The following NPHP4 variants were observed in gnomAD, a reference collection of about 807,000 sequenced individuals.
The protein encoded by NPHP4 is nephrocystin-4.
In NPHP4, 151 loss-of-function variants were observed where a neutral mutation model predicts 155.8. The observed-to-expected ratio is 0.97, with a 90% CI of 0.85 to 1.11. NPHP4 has a LOEUF of 1.11. Ranked by LOEUF, NPHP4 falls within the 50% of genes least tolerant of loss-of-function variation. NPHP4 has a pLI of 0.00. For missense variants in NPHP4, 1,956 were observed against 1,925.7 expected, an observed-to-expected ratio of 1.02 and a Z score of -0.29; for synonymous variants, 845 against 816.8, an observed-to-expected ratio of 1.03 and a Z score of -0.59.
chr1:5,975,355 C>T (rs750383014), intron 3 of NPHP4, among the ~76,000 whole-genome samples: 1 of 152,196 alleles, frequency 6.6e-6, no homozygotes, highest in Admixed American at 6.5e-5. Flanking sequence ...GCACCACTGG[C>T]CTCTGCTGCC....
intron 11 of NPHP4, among the ~76,000 whole-genome samples, chr1:5,909,739 G>A (rs763648256): frequency 2.0e-5 from 3 of 152,150 alleles, no homozygotes; most frequent in Non-Finnish European, 1.5e-5. Flanking sequence ...ACTGGGAGGC[G>A]CACCTGGGGG....
At chr1:5,949,556 T>TGCTCCCAGGAAGGGCTGA (rs1553187147) in intron 7 of NPHP4, among the ~76,000 whole-genome samples, 1 of 151,988 alleles carries the variant, frequency 6.6e-6, no homozygotes, top group East Asian at 1.9e-4. Flanking sequence ...GAAGGCCAGC[T>TGCTCCCAGGAAGGGCTGA]GCTCCCAGGA....
chr1:5,920,371 G>A (rs797019734), intron 11 of NPHP4, among the ~76,000 whole-genome samples: 13 of 152,304 alleles, frequency 8.5e-5, no homozygotes, highest in African/African-American at 2.6e-4. Context: ...GGGGTTAGCT[G>A]TTTTCACCCA....
At chr1:5,917,379 C>G (rs952925872) in intron 11 of NPHP4, among the ~76,000 whole-genome samples, 2 of 152,044 alleles carry the variant, frequency 1.3e-5, no homozygotes, top group Admixed American at 6.6e-5. Context: ...CGGAAAGAAG[C>G]CAACACTGAA....
rs180923489 is a variant in NPHP4, at chr1:5,905,610, C to T, written c.1763+22G>A. ...CGGCACAGCACGTGACTGGTTCCAT[C>T]CCACCCAGACCCACACCTCACCTCC... On this transcript the variant is annotated intron_variant, in intron 14 of 29. Coordinates refer to ENST00000378156, the MANE Select transcript of NPHP4 (RefSeq NM_015102.5). This position sits in a 1 kb window ranked among gnomAD's most constrained non-coding sequence, Gnocchi z 4.0. The T allele has an allele frequency of 7.6e-4, 1,223 of 1,613,038 alleles. 8 individuals are homozygous for T. In the African/African-American group the frequency reaches 0.014, roughly 19 times the overall value.
chr1:5,986,359 G>A, intron 1 of NPHP4, 32 bp from the exon 2 acceptor site: 3 of 1,562,380 alleles, frequency 1.9e-6, no homozygotes, highest in East Asian at 2.3e-5. Context: ...AAAGAGAAGA[G>A]CTGTGAGGGC....
At chr1:5,866,104 T>C (rs1210221313) in intron 26 of NPHP4, 4 of 518,624 alleles carry the variant, frequency 7.7e-6, no homozygotes, top group Non-Finnish European at 1.0e-5. Flanking sequence ...CTTGCCACTA[T>C]CTGGGGACAG....
intron 11 of NPHP4, among the ~76,000 whole-genome samples, chr1:5,916,619 T>C (rs1645486867): frequency 6.6e-6 from 1 of 152,204 alleles, no homozygotes; most frequent in African/African-American, 2.4e-5. Flanking sequence ...TCCTGGTCCT[T>C]CCAGTAACCA....
chr1:5,912,537 C>CAAAAAAAAAAAAAAAAAAAAAAAAA (rs752371714), intron 11 of NPHP4, among the ~76,000 whole-genome samples: 1 of 77,902 alleles, frequency 1.3e-5, no homozygotes, highest in Non-Finnish European at 2.9e-5. Flanking sequence ...GACTCCGTCT[C>CAAAAAAAAAAAAAAAAAAAAAAAAA]AAAAAAAAAA....
At chr1:5,928,168 C>A (rs1251512068) in intron 10 of NPHP4, among the ~76,000 whole-genome samples, 2 of 152,016 alleles carry the variant, frequency 1.3e-5, no homozygotes, top group East Asian at 3.9e-4. Context: ...CCCCATCCCC[C>A]CAGGGTGCTC....
chr1:5,871,324 A>G (rs1166771187), intron 23 of NPHP4, among the ~76,000 whole-genome samples: 1 of 152,204 alleles, frequency 6.6e-6, no homozygotes, highest in African/African-American at 2.4e-5. Context: ...TCCAGCGTCT[A>G]AGAGCGGTGC....
At chr1:5,912,207 G>T (rs1288286573) in intron 11 of NPHP4, among the ~76,000 whole-genome samples, 1 of 152,248 alleles carries the variant, frequency 6.6e-6, no homozygotes, top group Non-Finnish European at 1.5e-5. Context: ...AGACCAGCCG[G>T]TGTGTGCAGA....
chr1:5,902,250 A>C (rs929967060), intron 16 of NPHP4, among the ~76,000 whole-genome samples: 1 of 152,212 alleles, frequency 6.6e-6, no homozygotes, highest in Non-Finnish European at 1.5e-5. Context: ...AGAATGCAAC[A>C]GTCCGAGATG....
Position 5,907,166 on chromosome 1 carries a change from G to C in NPHP4, c.1560C>G (p.Ala520=), listed in dbSNP as rs755500768. ...SPRSPTQHCL[A]RPTSQLPHGS... Reference sequence around the variant, plus strand: ...CATGGGGTAGCTGTGAAGTAGGCCTGGCCAAGCAGTGCTGAGTCGGGGACC... The same window carrying C: ...CATGGGGTAGCTGTGAAGTAGGCCTCGCCAAGCAGTGCTGAGTCGGGGACC... Residue 520 remains alanine, a synonymous_variant, in exon 13 of 30, where the codon GCC becomes GCG. Transcript: ENST00000378156. 6.3e-7 allele frequency: 1 copy of C among 1,590,318 alleles called. No individual in the cohort carries two copies. The highest frequency in any genetic ancestry group is 1.2e-5 in the South Asian group (1 of 86,742).
intron 9 of NPHP4, among the ~76,000 whole-genome samples, chr1:5,938,324 C>T (rs1455494552): frequency 2.6e-5 from 4 of 152,224 alleles, no homozygotes; most frequent in Non-Finnish European, 5.9e-5. Flanking sequence ...CTGGGGGTGG[C>T]AGGCAGCCAG....
At chr1:5,943,697 T>C (rs894465598) in intron 9 of NPHP4, among the ~76,000 whole-genome samples, 27 of 152,308 alleles carry the variant, frequency 1.8e-4, no homozygotes, top group African/African-American at 6.3e-4. Context: ...GAAAAGCACA[T>C]TGCTGGGGTT....
chr1:5,981,886 C>G (rs1654763830), intron 2 of NPHP4, among the ~76,000 whole-genome samples: 1 of 152,124 alleles, frequency 6.6e-6, no homozygotes, highest in African/African-American at 2.4e-5. Flanking sequence ...GGATACAAGT[C>G]TGTACTTTTT....
At chr1:5,878,394 C>A (rs17432121) in intron 19 of NPHP4, among the ~76,000 whole-genome samples, 19,697 of 152,302 alleles carry the variant, frequency 0.13, 1,495 homozygotes, top group Non-Finnish European at 0.17. Context: ...GAGCTACCTG[C>A]AGCCACGGCT....
intron 16 of NPHP4, among the ~76,000 whole-genome samples, chr1:5,893,158 G>A (rs1644222203): frequency 6.6e-6 from 1 of 152,152 alleles, no homozygotes; most frequent in Admixed American, 6.5e-5. Context: ...CATGTATTAG[G>A]CCACTGTGGG....
Sources: allele counts gnomAD v4.1 joint callset (sites outside exome capture counted in the v4.1 genomes callset), GRCh38; gene constraint gnomAD v4.1.1; non-coding constraint Gnocchi (gnomAD v3.1); transcripts MANE v1.5; gene names NCBI Gene and HGNC (gene_info 2026-07-23, HGNC 2026-07-21).